The following RALYL variants were observed in gnomAD, a reference collection of about 807,000 sequenced individuals.
RALYL encodes the protein RALY RNA binding protein like.
A neutral mutation model predicts 35.1 loss-of-function variants in RALYL; 29 were observed. The observed-to-expected ratio is 0.83, with a 90% confidence interval of 0.61 to 1.13. The LOEUF is 1.13. Among genes scored for constraint, RALYL ranks in the 50% most tolerant of loss-of-function variants. The pLI is 0.00. For missense variants in RALYL, 359 were observed against 360.4 expected (o/e 1.00, Z 0.03); for synonymous variants, 120 against 127.6 (o/e 0.94, Z 0.40).
At chr8:84,721,944 TA>T (rs1843992691) in intron 2 of RALYL, among the ~76,000 whole-genome samples, 1 of 152,110 alleles carries the variant, frequency 6.6e-6, no homozygotes, top group Non-Finnish European at 1.5e-5. Context: ...GAATTGTAAG[TA>T]AAAATGACCT....
chr8:84,259,883 A>T lies in RALYL; in HGVS notation c.-24+75459A>T, dbSNP rs113211740. 4.7e-3 allele frequency among the ~76,000 whole-genome samples: 719 copies of T among 152,266 alleles called. 2 individuals carry two copies. Among genetic ancestry groups the T allele is most frequent in the Non-Finnish European group, 5.5e-3 (376 of 68,014 alleles). ...GAATACACACACTGCGTTCCCTTTC[A>T]GGATCCCCAAGAACGGAGACCAGGC... is the stretch of plus-strand genomic sequence containing the variant. On this transcript the variant is annotated intron_variant, in intron 1 of 8. Coordinates refer to ENST00000521268, the MANE Select transcript of RALYL (RefSeq NM_173848.7).
At chr8:84,425,269 C>G (rs1330848839) in intron 1 of RALYL, among the ~76,000 whole-genome samples, 2 of 152,100 alleles carry the variant, frequency 1.3e-5, no homozygotes, top group Non-Finnish European at 2.9e-5. Flanking sequence ...GTTTTTTAAG[C>G]CGGTCTGAAA....
At chr8:84,566,770 G>A (rs1296158084) in intron 2 of RALYL, among the ~76,000 whole-genome samples, 1 of 151,546 alleles carries the variant, frequency 6.6e-6, no homozygotes, top group Non-Finnish European at 1.5e-5. Flanking sequence ...CCAAACAATG[G>A]ACCTCTAGTT....
At chr8:84,491,200 AC>A (rs1251960658) in intron 1 of RALYL, among the ~76,000 whole-genome samples, 3 of 151,802 alleles carry the variant, frequency 2.0e-5, no homozygotes, top group African/African-American at 7.2e-5. Context: ...CTACTTGCTC[AC>A]TCTCTGTCTC....
intron 4 of RALYL, among the ~76,000 whole-genome samples, chr8:84,834,393 A>G: frequency 6.6e-6 from 1 of 152,210 alleles, no homozygotes; most frequent in Non-Finnish European, 1.5e-5. Context: ...ATGTGTTTGC[A>G]GCTGACTTGA....
chr8:84,561,906 C>T (rs1329055400), intron 2 of RALYL, among the ~76,000 whole-genome samples: 1 of 151,906 alleles, frequency 6.6e-6, no homozygotes, highest in African/African-American at 2.4e-5. Context: ...AACAGTTGAC[C>T]TCCAGGTACT....
chr8:84,307,502 A>C (rs1563705138), intron 1 of RALYL, among the ~76,000 whole-genome samples: 1 of 152,148 alleles, frequency 6.6e-6, no homozygotes. Flanking sequence ...AAGCACAACC[A>C]CGTATATTTT....
At chr8:84,370,246 A>T (rs1276594278) in intron 1 of RALYL, among the ~76,000 whole-genome samples, 1 of 152,130 alleles carries the variant, frequency 6.6e-6, no homozygotes, top group African/African-American at 2.4e-5. Context: ...TTACAGGGGA[A>T]CTACTACTAC....
At chr8:84,204,590 T>C (rs1220266702) in intron 1 of RALYL, among the ~76,000 whole-genome samples, 4 of 152,286 alleles carry the variant, frequency 2.6e-5, no homozygotes, top group South Asian at 4.1e-4. Flanking sequence ...GTTTTTCTTG[T>C]TGTTGTTTCT....
chr8:84,290,380 C>T (rs1016333302), intron 1 of RALYL, among the ~76,000 whole-genome samples: 3 of 152,126 alleles, frequency 2.0e-5, no homozygotes, highest in Admixed American at 6.6e-5. Context: ...TGGGTGCAGG[C>T]GGGCTGAGTC....
intron 1 of RALYL, among the ~76,000 whole-genome samples, chr8:84,265,943 C>T (rs1833212276): frequency 6.6e-6 from 1 of 152,194 alleles, no homozygotes. Context: ...CTGGGCTCAT[C>T]ACATCTTGAC....
At chr8:84,752,729 GA>G (rs1267511071) in intron 2 of RALYL, among the ~76,000 whole-genome samples, 1 of 152,116 alleles carries the variant, frequency 6.6e-6, no homozygotes, top group Non-Finnish European at 1.5e-5. Context: ...TTCAAAGGGT[GA>G]AAACCATAAG....
chr8:84,878,966 T>A (rs936915591), intron 7 of RALYL, among the ~76,000 whole-genome samples: 1 of 152,124 alleles, frequency 6.6e-6, no homozygotes, highest in African/African-American at 2.4e-5. Flanking sequence ...GGCCTTCCAA[T>A]TAACTGTTTT....
chr8:84,826,004 A>G (rs1398235963), intron 4 of RALYL, among the ~76,000 whole-genome samples: 1 of 152,142 alleles, frequency 6.6e-6, no homozygotes, highest in East Asian at 1.9e-4. Context: ...CCTTTGCAGC[A>G]ACATGGATGT....
chr8:84,450,402 T>C (rs564069785), intron 1 of RALYL, among the ~76,000 whole-genome samples: 1 of 151,954 alleles, frequency 6.6e-6, no homozygotes, highest in South Asian at 2.1e-4. Context: ...TAGGAAATAA[T>C]TCAGTTCCTC....
At chr8:84,739,604 ATATG>A (rs1847918807) in intron 2 of RALYL, among the ~76,000 whole-genome samples, 1 of 151,808 alleles carries the variant, frequency 6.6e-6, no homozygotes, top group East Asian at 1.9e-4. Context: ...CATACACAAT[ATATG>A]TATGTATTTC....
At chr8:84,370,534 A>AT (rs1372347465) in intron 1 of RALYL, among the ~76,000 whole-genome samples, 4 of 151,962 alleles carry the variant, frequency 2.6e-5, no homozygotes, top group African/African-American at 9.7e-5. Context: ...GGGGAACCAT[A>AT]TGATATGTTC....
At chr8:84,919,761 A>C (rs10958229) in intron 8 of RALYL, among the ~76,000 whole-genome samples, 45,259 of 152,024 alleles carry the variant, frequency 0.3, 7,248 homozygotes, top group East Asian at 0.61. Flanking sequence ...CTGACTATAG[A>C]AAAGACTATT....
intron 1 of RALYL, among the ~76,000 whole-genome samples, chr8:84,421,070 C>A (rs2132390348): frequency 7.3e-6 from 1 of 137,456 alleles, no homozygotes; most frequent in East Asian, 2.1e-4. Flanking sequence ...GTAGTTTTTT[C>A]CAATTCTGTG....
Sources: allele counts gnomAD v4.1 joint callset (sites outside exome capture counted in the v4.1 genomes callset), GRCh38; gene constraint gnomAD v4.1.1; transcripts MANE v1.5; gene names NCBI Gene and HGNC (gene_info 2026-07-23, HGNC 2026-07-21).